The following RFX3 variants were observed in gnomAD, a reference collection of about 807,000 sequenced individuals.
RFX3 encodes transcription factor RFX3.
Under a neutral mutation model 98.6 loss-of-function variants are expected in RFX3, and 14 were observed. The ratio of observed to expected loss-of-function variants is 0.14; its 90% CI spans 0.09 to 0.22. The LOEUF (loss-of-function observed/expected upper bound fraction) is 0.22. Among genes scored for constraint, RFX3 ranks in the 10% least tolerant of loss-of-function variants. RFX3 has a pLI of 1.00. For synonymous variants in RFX3, 383 were observed against 328.4 expected, an observed-to-expected ratio of 1.17 and a Z score of -1.80; for missense variants, 639 against 926.9, an observed-to-expected ratio of 0.69 and a Z score of 4.03.
intron 1 of RFX3, among the ~76,000 whole-genome samples, chr9:3,467,059 C>T (rs1253455258): frequency 1.5e-5 from 2 of 137,620 alleles, no homozygotes; most frequent in Middle Eastern, 3.5e-3. Context: ...TATATACATA[C>T]ATATATATAA....
chr9:3,513,710 G>C (rs1414881083), intron 1 of RFX3, among the ~76,000 whole-genome samples: 13 of 152,178 alleles, frequency 8.5e-5, no homozygotes, highest in Non-Finnish European at 1.6e-4. Flanking sequence ...AAATTACTCT[G>C]ATCTGTATCT....
intron 4 of RFX3, among the ~76,000 whole-genome samples, chr9:3,327,018 C>G (rs1274459141): frequency 6.6e-6 from 1 of 152,026 alleles, no homozygotes; most frequent in African/African-American, 2.4e-5. Context: ...CACTAAAGAA[C>G]AGTGAGAAAA....
At chr9:3,504,994 T>C (rs1235778883) in intron 1 of RFX3, among the ~76,000 whole-genome samples, 34 of 53,906 alleles carry the variant, frequency 6.3e-4, no homozygotes, top group Non-Finnish European at 8.0e-4. Context: ...ATATGTTATA[T>C]ATATTATATA....
At chr9:3,365,972 C>T (rs2037296751) in intron 2 of RFX3, among the ~76,000 whole-genome samples, 1 of 151,924 alleles carries the variant, frequency 6.6e-6, no homozygotes, top group African/African-American at 2.4e-5. Flanking sequence ...CACTGGGAGG[C>T]TGTCTGTGTG....
At chr9:3,474,810 C>T (rs1053919508) in intron 1 of RFX3, among the ~76,000 whole-genome samples, 1 of 152,158 alleles carries the variant, frequency 6.6e-6, no homozygotes, top group Non-Finnish European at 1.5e-5. Flanking sequence ...AATGACCAAA[C>T]TAGCAGCCAG....
chr9:3,274,490 T>G (rs761718253), intron 9 of RFX3, among the ~76,000 whole-genome samples: 19 of 152,164 alleles, frequency 1.2e-4, no homozygotes, highest in Admixed American at 2.6e-4. Context: ...TACATTAATG[T>G]GCTGGCATGC....
intron 4 of RFX3, among the ~76,000 whole-genome samples, chr9:3,323,748 A>G (rs1831570304): frequency 6.6e-6 from 1 of 152,208 alleles, no homozygotes; most frequent in South Asian, 2.1e-4. Context: ...TTTAAAATTC[A>G]GAGGAATTCA....
intron 1 of RFX3, among the ~76,000 whole-genome samples, chr9:3,463,415 T>C (rs1564133081): frequency 6.6e-6 from 1 of 151,898 alleles, no homozygotes; most frequent in Non-Finnish European, 1.5e-5. Flanking sequence ...TAGAAGAACA[T>C]ACAAGGCAAT....
intron 1 of RFX3, among the ~76,000 whole-genome samples, chr9:3,503,140 G>A (rs1446496472): frequency 6.6e-6 from 1 of 152,046 alleles, no homozygotes; most frequent in African/African-American, 2.4e-5. Flanking sequence ...GAAATAACCA[G>A]GTACTCGTCT....
chr9:3,224,670 TA>T lies in RFX3; in HGVS notation c.*371del, dbSNP rs1430836461. 2 of 171,818 alleles carry T rather than the reference TA, an allele frequency of 1.2e-5. No homozygotes were observed. Among genetic ancestry groups the T allele is most frequent in the Non-Finnish European group, 2.5e-5 (2 of 79,878 alleles). The allele number at this position is 171,818 out of a possible 1,614,324, so 10.6% of individuals were successfully genotyped here. ...TTTTGATATTTCACAGAAGTGCATC[TA>T]ATTAAAAAACTTACACATGAAATCA... On this transcript the variant is annotated 3_prime_UTR_variant, in exon 17 of 17. Coordinates refer to ENST00000617270, the MANE Select transcript of RFX3 (RefSeq NM_001282116.2).
At position 3,312,749 on chromosome 9, in the gene RFX3, A is replaced by G. The variant is rs544215310; in HGVS notation, c.475-11129T>C. On this transcript the variant is annotated intron_variant, in intron 4 of 16. Transcript: ENST00000617270. Reference sequence around the variant, plus strand: ...GCCTGGCTCAGGGGGTCCCACGCCCATGGAGCCTCGCTCACTGCTAGCACA... The same window carrying G: ...GCCTGGCTCAGGGGGTCCCACGCCCGTGGAGCCTCGCTCACTGCTAGCACA... Among the ~76,000 whole-genome samples the G allele has an allele frequency of 4.6e-5, 7 of 152,310 alleles. No individual in the cohort carries two copies. In the East Asian group the frequency reaches 1.4e-3, roughly 29 times the overall value.
At chr9:3,350,834 G>C (rs1051396597) in intron 2 of RFX3, among the ~76,000 whole-genome samples, 2 of 152,056 alleles carry the variant, frequency 1.3e-5, no homozygotes, top group East Asian at 3.9e-4. Flanking sequence ...GTGAAAGAAG[G>C]TAATCTGAAA....
intron 1 of RFX3, among the ~76,000 whole-genome samples, chr9:3,438,034 T>C (rs1179224289): frequency 6.6e-6 from 1 of 152,010 alleles, no homozygotes; most frequent in East Asian, 1.9e-4. Context: ...AGAAACATAC[T>C]GATAAACCTA....
chr9:3,340,864 G>C (rs1833805480), intron 3 of RFX3, among the ~76,000 whole-genome samples: 2 of 152,280 alleles, frequency 1.3e-5, no homozygotes, highest in East Asian at 3.9e-4. Context: ...CAGGGATCTA[G>C]AACTAGAAAT....
chr9:3,476,042 TCTCA>T (rs1216810710), intron 1 of RFX3, among the ~76,000 whole-genome samples: 2 of 152,168 alleles, frequency 1.3e-5, no homozygotes, highest in Non-Finnish European at 2.9e-5. Flanking sequence ...TCTGGTCACT[TCTCA>T]CTATGTCCCC....
intron 2 of RFX3, among the ~76,000 whole-genome samples, chr9:3,389,053 A>G (rs1408363492): frequency 6.6e-6 from 1 of 152,154 alleles, no homozygotes; most frequent in African/African-American, 2.4e-5. Context: ...CTTAGAAATT[A>G]TCCTCAATGT....
intron 11 of RFX3, 151 bp downstream of exon 11, chr9:3,270,220 T>G: frequency 1.6e-6 from 1 of 630,562 alleles, no homozygotes; most frequent in Non-Finnish European, 2.5e-6. Context: ...TGCTCTAGGC[T>G]GCTTTCACGC....
rs186997544 is a variant in RFX3 at position 3,445,258 on chromosome 9, G to C, written c.-8-49662C>G. On this transcript the variant is annotated intron_variant, in intron 1 of 16. Coordinates refer to ENST00000617270, the MANE Select transcript of RFX3 (RefSeq NM_001282116.2). ...AAGTAAGTTATTATAAATTTATTGA[G>C]AGAAGGGAGCATTTATAATGTTTAC... Among the ~76,000 whole-genome samples, 23 of 148,726 alleles carry C rather than the reference G, an allele frequency of 1.5e-4. No individual in the cohort carries two copies. The East Asian group carries it at 3.7e-3, about 24-fold the overall frequency.
At chr9:3,282,574 GGTGCTGAGGATGCAGTGCTGAAA>G (rs2131506772) in intron 7 of RFX3, among the ~76,000 whole-genome samples, 1 of 151,866 alleles carries the variant, frequency 6.6e-6, no homozygotes, top group Admixed American at 6.6e-5. Context: ...AGCTCTCCCA[GGTGCTGAGGATGCAGTGCTGAAA>G]GAGGCAGACA....
Sources: gnomAD v4.1 joint callset for allele counts (sites outside exome capture counted in the v4.1 genomes callset) on GRCh38, gnomAD v4.1.1 for gene constraint, MANE v1.5 for transcripts, NCBI Gene and HGNC (gene_info 2026-07-23, HGNC 2026-07-21) for gene names.